Variants in PTP4A1 observed in about 807,000 individuals in gnomAD.
The protein encoded by PTP4A1 is protein tyrosine phosphatase 4A1, also known as protein tyrosine phosphatase type IVA 1.
A neutral mutation model predicts 20.5 loss-of-function variants in PTP4A1; 9 were observed. The observed-to-expected ratio is 0.44, with a 90% CI of 0.26 to 0.77. The LOEUF (loss-of-function observed/expected upper bound fraction) is 0.77. PTP4A1 is among the 30% of genes least tolerant of loss of function. PTP4A1 has a pLI of 0.19. For missense variants in PTP4A1, 137 were observed against 218.8 expected (o/e 0.63, Z 2.36); for synonymous variants, 78 against 67.4 (o/e 1.16, Z -0.77).
upstream of PTP4A1, among the ~76,000 whole-genome samples, chr6:63,568,021 T>C (rs1209381805): frequency 3.9e-5 from 6 of 152,234 alleles, no homozygotes; most frequent in Non-Finnish European, 8.8e-5. Context: ...AAGGCCTTGC[T>C]CTGAATTAGG....
chr6:63,538,508 C>G (rs1277400955), intron 2 of PTP4A1, among the ~76,000 whole-genome samples: 1 of 152,074 alleles, frequency 6.6e-6, no homozygotes, highest in East Asian at 1.9e-4. Flanking sequence ...GTTACATGTT[C>G]AGTATTTGAA....
chr6:63,548,824 T>A, intron 2 of PTP4A1: 1 of 749,926 alleles, frequency 1.3e-6, no homozygotes, highest in South Asian at 1.4e-5. Context: ...TCATTGTATC[T>A]GTCATTGTAG....
chr6:63,528,634 G>A (rs1404409219), intron 2 of PTP4A1, among the ~76,000 whole-genome samples: 2 of 152,000 alleles, frequency 1.3e-5, no homozygotes, highest in East Asian at 1.9e-4. Context: ...GGTGGTGTGC[G>A]CCTGTCATCC....
At chr6:63,531,594 A>G (rs2149477834) in intron 2 of PTP4A1, among the ~76,000 whole-genome samples, 1 of 149,950 alleles carries the variant, frequency 6.7e-6, no homozygotes, top group Admixed American at 6.7e-5. Context: ...GACTCAGGCA[A>G]TCTTCCTCTC....
intron 1 of PTP4A1, chr6:63,527,773 T>C (rs939176431): frequency 6.6e-6 from 1 of 152,320 alleles, no homozygotes; most frequent in South Asian, 2.1e-4. Context: ...ACAGTGACGA[T>C]AACAGTGATG....
chr6:63,558,194 G>A (rs1776772990), intron 3 of PTP4A1, among the ~76,000 whole-genome samples: 1 of 152,074 alleles, frequency 6.6e-6, no homozygotes, highest in Non-Finnish European at 1.5e-5. Context: ...AAAATGCAGG[G>A]TGGATTAAAT....
chr6:63,528,138 G>A (rs1198058581), intron 2 of PTP4A1: 1 of 152,140 alleles, frequency 6.6e-6, no homozygotes, highest in Non-Finnish European at 1.5e-5. Flanking sequence ...CCATAGAGTG[G>A]TTGCTGGGTA....
At chr6:63,536,783 A>G (rs1306340664) in intron 2 of PTP4A1, among the ~76,000 whole-genome samples, 2 of 152,182 alleles carry the variant, frequency 1.3e-5, no homozygotes, top group African/African-American at 4.8e-5. Flanking sequence ...GTTTTATTAT[A>G]TTATTTATGT....
intron 1 of PTP4A1, among the ~76,000 whole-genome samples, chr6:63,525,462 C>T (rs754639136): frequency 1.3e-5 from 2 of 152,222 alleles, no homozygotes; most frequent in African/African-American, 2.4e-5. Context: ...TTCACGCCAG[C>T]AGTTCTAGCT....
upstream of PTP4A1, chr6:63,571,547 G>A (rs1163359439): frequency 2.0e-5 from 3 of 152,214 alleles, no homozygotes; most frequent in Non-Finnish European, 4.4e-5. Flanking sequence ...ACATAAAGAA[G>A]AGCTTTAGCT....
intron 2 of PTP4A1, among the ~76,000 whole-genome samples, chr6:63,532,168 T>A (rs1775501797): frequency 6.6e-6 from 1 of 152,216 alleles, no homozygotes; most frequent in Non-Finnish European, 1.5e-5. Flanking sequence ...AAATTAGAAA[T>A]AACAATTCAA....
At chr6:63,570,828 C>T (rs2149503567), upstream of PTP4A1, among the ~76,000 whole-genome samples, 1 of 152,192 alleles carries the variant, frequency 6.6e-6, no homozygotes, top group South Asian at 2.1e-4. Flanking sequence ...CCAATATTTC[C>T]CCCAGTGTGA....
At chr6:63,559,596 T>G (rs1776847559) in intron 3 of PTP4A1, among the ~76,000 whole-genome samples, 2 of 151,868 alleles carry the variant, frequency 1.3e-5, no homozygotes, top group Admixed American at 1.3e-4. Flanking sequence ...AATACAAAAA[T>G]TAGCCAGGCA....
chr6:63,565,084 C>T (rs1442729589), intron 3 of PTP4A1, among the ~76,000 whole-genome samples: 1 of 152,092 alleles, frequency 6.6e-6, no homozygotes, highest in African/African-American at 2.4e-5. Context: ...GATCACAGCT[C>T]ACTGCAGCCC....
At chr6:63,559,057 C>T (rs1351148310) in intron 3 of PTP4A1, among the ~76,000 whole-genome samples, 1 of 152,204 alleles carries the variant, frequency 6.6e-6, no homozygotes. Flanking sequence ...GATCATTTTG[C>T]TCACTCTGCT....
At chr6:63,534,012 C>G (rs187955048) in intron 2 of PTP4A1, among the ~76,000 whole-genome samples, 1 of 151,902 alleles carries the variant, frequency 6.6e-6, no homozygotes, top group East Asian at 1.9e-4. Context: ...CCTGGCTAAT[C>G]TCTGTATTTT....
At chr6:63,576,368 A>C (rs1015958870) in intron 1 of PTP4A1, 68 bp from the exon 2 acceptor site, 3 of 398,684 alleles carry the variant, frequency 7.5e-6, no homozygotes, top group Admixed American at 4.4e-5. Context: ...ATAGTGTAAA[A>C]CCCTAATGTA....
intron 3 of PTP4A1, among the ~76,000 whole-genome samples, chr6:63,565,700 C>T (rs1207357619): frequency 1.3e-5 from 2 of 152,136 alleles, no homozygotes; most frequent in Non-Finnish European, 2.9e-5. Context: ...CCTTAAAAGG[C>T]TTGTTGTGAC....
At chr6:63,572,832 C>CG (rs1041536029) in intron 1 of PTP4A1, 113 bp downstream of exon 1, 2 of 395,246 alleles carry the variant, frequency 5.1e-6, no homozygotes, top group African/African-American at 4.1e-5. Flanking sequence ...CCCCGGGTTG[C>CG]GGTTCCGGTG....
Sources: allele counts gnomAD v4.1 joint callset (sites outside exome capture counted in the v4.1 genomes callset), GRCh38; gene constraint gnomAD v4.1.1; transcripts MANE v1.5; gene names NCBI Gene and HGNC (gene_info 2026-07-23, HGNC 2026-07-21).